GLB1L2: variants seen among roughly 807,000 people sequenced by gnomAD.
The protein encoded by GLB1L2 is beta-galactosidase-1-like protein 2.
A neutral mutation model predicts 84.1 loss-of-function variants in GLB1L2; 68 were observed. The ratio of observed to expected loss-of-function variants is 0.81; its 90% CI spans 0.67 to 0.99. The LOEUF (loss-of-function observed/expected upper bound fraction) is 0.99, where lower values mean the gene tolerates loss of function less well. Ranked by LOEUF, GLB1L2 falls within the 50% of genes least tolerant of loss-of-function variation. The probability of loss-of-function intolerance (pLI) is 0.00; values close to 1 mark genes in which losing one functional copy is unlikely to be tolerated. For missense variants in GLB1L2, 762 were observed against 805.6 expected (o/e 0.95, Z 0.66); for synonymous variants, 290 against 318.0 (o/e 0.91, Z 0.94).
rs560462380 is a variant in GLB1L2, at chr11:134,341,918, G to T, written c.87-836G>T. On this transcript the variant is annotated intron_variant, in intron 1 of 18. Coordinates refer to ENST00000535456, the MANE Select transcript of GLB1L2 (RefSeq NM_001370461.1). ...GGCAGGAGCGAGCGCCGGTGGGGAC[G>T]AAGGCACAGCCCACACCGGCTCCTG... 5.1e-5 allele frequency among the ~76,000 whole-genome samples: 6 copies of T among 118,684 alleles called. No individual in the cohort carries two copies. In the East Asian group the frequency reaches 2.3e-3, roughly 46 times the overall value. The allele number at this position is 118,684 out of a possible 152,430, so 77.9% of individuals were successfully genotyped here. A position where few individuals can be genotyped will look rare whatever the true frequency, so the allele number is the denominator to read the frequency against.
chr11:134,370,439 C>G lies in GLB1L2; in HGVS notation c.1215+40C>G. ...CAGTCATCGGGAGGTGAGTGAGTGC[C>G]GGGGGCAGTCGTTGGCAGGGAGGTG... On this transcript the variant is annotated intron_variant, in intron 12 of 18. Transcript: ENST00000535456. This position sits in a 1 kb window ranked among gnomAD's most constrained non-coding sequence, Gnocchi z 4.7. The G allele has an allele frequency of 6.7e-7, 1 of 1,501,370 alleles. No homozygotes were observed. The highest frequency in any genetic ancestry group is 9.2e-7 in the Non-Finnish European group (1 of 1,083,832). 93.0% of individuals were successfully genotyped at this position (1,501,370 alleles called of 1,614,324 possible).
At position 134,338,533 on chromosome 11, in the gene GLB1L2, C is replaced by A. The variant is rs965945436; in HGVS notation, c.87-4221C>A. Among the ~76,000 whole-genome samples, 6 of 152,170 alleles carry A rather than the reference C, an allele frequency of 3.9e-5. No homozygotes were observed. Among genetic ancestry groups the A allele is most frequent in the African/African-American group, 1.4e-4 (6 of 41,442 alleles). On this transcript the variant is annotated intron_variant, in intron 1 of 18. Transcript: ENST00000535456. The surrounding 1 kb of genome is among the most constrained non-coding windows in gnomAD (Gnocchi z 6.2). ...GCACTTTTTACTACACCTGGAATCT[C>A]CTGCCTGCTGGGGCCTGCCCTGTAC...
intron 7 of GLB1L2, among the ~76,000 whole-genome samples, chr11:134,362,231 C>T (rs1943802960): frequency 6.6e-6 from 1 of 152,068 alleles, no homozygotes. Flanking sequence ...TATTTCTCTT[C>T]TCATAGCATA....
At chr11:134,344,600 C>T in intron 3 of GLB1L2, 145 bp downstream of exon 3, 1 of 1,021,782 alleles carries the variant, frequency 9.8e-7, no homozygotes, top group East Asian at 2.4e-5. Context: ...GCACCCAGGA[C>T]CCAGACGCTC....
At chr11:134,346,011 T>C (rs973490572) in intron 4 of GLB1L2, among the ~76,000 whole-genome samples, 1 of 152,162 alleles carries the variant, frequency 6.6e-6, no homozygotes, top group African/African-American at 2.4e-5. Flanking sequence ...TTTAAGATTT[T>C]CTTGTTAACT....
intron 3 of GLB1L2, 122 bp downstream of exon 3, chr11:134,344,577 T>C (rs1264529553): frequency 2.7e-6 from 3 of 1,119,764 alleles, no homozygotes; most frequent in Non-Finnish European, 4.1e-6. Context: ...GTTCTAGGAC[T>C]GTGAGAGGCC....
rs1228057544 is a variant in GLB1L2 at position 134,334,131 on chromosome 11, C to T, written c.86+1984C>T. ...TGTCTTGCCCCAGCTCTGACTGGGT[C>T]ATTAACTGAGTGGGAGGTGGGGCCT... On this transcript the variant is annotated intron_variant, in intron 1 of 18. Coordinates refer to ENST00000535456, the MANE Select transcript of GLB1L2 (RefSeq NM_001370461.1). The surrounding 1 kb of genome is among the most constrained non-coding windows in gnomAD (Gnocchi z 4.1). Among the ~76,000 whole-genome samples the T allele has an allele frequency of 6.6e-6, 1 of 152,106 alleles. No homozygotes were observed. The highest frequency in any genetic ancestry group is 2.4e-5 in the African/African-American group (1 of 41,400).
chr11:134,375,005 G>A lies in GLB1L2; in HGVS notation c.1858G>A (p.Ala620Thr). ...TTTTGAGGAGACGATGGCGGGCCCT[G>A]CATTACAGTTCACGGAAACCCCCCA... ...IVFEETMAGPALQFTETPHLG... is the reference protein window; with the variant it reads ...IVFEETMAGPTLQFTETPHLG... The change falls in exon 19 of 19, where the codon GCA (alanine) becomes ACA (threonine). Residue 620 changes from alanine to threonine, a missense_variant. By Grantham distance (58) the Ala-to-Thr change is moderately conservative. Around this residue, in one of 3 missense-constraint regions of GLB1L2, gnomAD observed 603 missense variants for 611.7 expected, o/e 0.99. Coordinates refer to ENST00000535456, the MANE Select transcript of GLB1L2 (RefSeq NM_001370461.1). The A allele has an allele frequency of 6.2e-7, 1 of 1,613,898 alleles. No homozygotes were observed. Among genetic ancestry groups the A allele is most frequent in the Non-Finnish European group, 8.5e-7 (1 of 1,179,972 alleles).
rs1943595845 is a variant in GLB1L2, at chr11:134,349,456, T to A, written c.558+2023T>A. Among the ~76,000 whole-genome samples, 2 of 152,238 alleles carry A rather than the reference T, an allele frequency of 1.3e-5. 1 individual carries two copies. Among genetic ancestry groups the A allele is most frequent in the Middle Eastern group, 6.3e-3 (2 of 316 alleles). ...CTTTCGCTTCTTTTGGGTATATACCTAGAAGTGAAATTGCTGGATCAACTT... is the reference window on the plus strand; with the variant it reads ...CTTTCGCTTCTTTTGGGTATATACCAAGAAGTGAAATTGCTGGATCAACTT... On this transcript the variant is annotated intron_variant, in intron 5 of 18. Transcript: ENST00000535456.
chr11:134,342,633 C>A, intron 1 of GLB1L2, 121 bp from the exon 2 acceptor site: 1 of 1,009,558 alleles, frequency 9.9e-7, no homozygotes. Flanking sequence ...GGGAGCTTTT[C>A]CCAGCCACCT....
rs1421069561 is a variant in GLB1L2, at chr11:134,370,853, C to A, written c.1216-155C>A. 6.6e-6 allele frequency among the ~76,000 whole-genome samples: 1 copy of A among 152,152 alleles called. No individual in the cohort carries two copies. Among genetic ancestry groups the A allele is most frequent in the Non-Finnish European group, 1.5e-5 (1 of 68,016 alleles). ...TTTGCCCCACTCCTCTTCCCCGTCA[C>A]CCTGGAGAGTTGTATGTTTAGTGCA... On this transcript the variant is annotated intron_variant, in intron 12 of 18. Coordinates refer to ENST00000535456, the MANE Select transcript of GLB1L2 (RefSeq NM_001370461.1). The surrounding 1 kb of genome is among the most constrained non-coding windows in gnomAD (Gnocchi z 4.7).
intron 9 of GLB1L2, among the ~76,000 whole-genome samples, chr11:134,367,678 T>C (rs1326624508): frequency 6.6e-6 from 1 of 152,228 alleles, no homozygotes; most frequent in Non-Finnish European, 1.5e-5. Context: ...GTTCTCTCTG[T>C]ATCTCTGCCG....
chr11:134,368,127 A>G (rs575424638), intron 9 of GLB1L2, among the ~76,000 whole-genome samples: 73 of 152,300 alleles, frequency 4.8e-4, no homozygotes, highest in African/African-American at 1.7e-3. Context: ...ATATTTGTCT[A>G]CTCAGTACAT....
At chr11:134,362,026 C>CT (rs1375760464) in intron 7 of GLB1L2, among the ~76,000 whole-genome samples, 3 of 152,194 alleles carry the variant, frequency 2.0e-5, no homozygotes, top group African/African-American at 7.2e-5. Flanking sequence ...TTGTGCGTGT[C>CT]TTTCGTGGTG....
At chr11:134,361,687 C>T (rs1029977879) in intron 7 of GLB1L2, 2 of 152,482 alleles carry the variant, frequency 1.3e-5, no homozygotes, top group African/African-American at 4.8e-5. Flanking sequence ...CTGTGCCTGT[C>T]CGGTTCTGCC....
At chr11:134,333,041 T>C (rs918993947) in intron 1 of GLB1L2, among the ~76,000 whole-genome samples, 24 of 152,312 alleles carry the variant, frequency 1.6e-4, no homozygotes, top group Middle Eastern at 3.4e-3. Context: ...TCTTTTTTAC[T>C]TAGAGAAACT....
At position 134,370,889 on chromosome 11, in the gene GLB1L2, A is replaced by G. The variant is rs1197548047; in HGVS notation, c.1216-119A>G. 8.7e-7 allele frequency: 1 copy of G among 1,145,854 alleles called. No individual in the cohort carries two copies. Among genetic ancestry groups the G allele is most frequent in the Non-Finnish European group, 1.3e-6 (1 of 792,604 alleles). The allele number at this position is 1,145,854 out of a possible 1,614,324, so 71.0% of individuals were successfully genotyped here. ...TGTATGTTTAGTGCAATGAGAAGTC[A>G]AAGTAGAAAACACCCACCAAACCTC... On this transcript the variant is annotated intron_variant, in intron 12 of 18. Transcript: ENST00000535456. The surrounding 1 kb of genome is among the most constrained non-coding windows in gnomAD (Gnocchi z 4.7).
chr11:134,349,345 C>T lies in GLB1L2; in HGVS notation c.558+1912C>T, dbSNP rs566121544. Among the ~76,000 whole-genome samples, 146 of 152,294 alleles carry T rather than the reference C, an allele frequency of 9.6e-4. 3 individuals are homozygous for T. Among genetic ancestry groups the T allele is most frequent in the African/African-American group, 3.3e-3 (136 of 41,562 alleles). The stretch of plus-strand genomic sequence containing the variant: ...CGTTTGTTTATCCTTCATCCATTGA[C>T]GAACGTTTGAGTTGCTTCTGCCTTT... On this transcript the variant is annotated intron_variant, in intron 5 of 18. Coordinates refer to ENST00000535456, the MANE Select transcript of GLB1L2 (RefSeq NM_001370461.1).
At chr11:134,362,377 G>A (rs1220727081) in intron 7 of GLB1L2, among the ~76,000 whole-genome samples, 2 of 151,970 alleles carry the variant, frequency 1.3e-5, no homozygotes, top group African/African-American at 4.8e-5. Flanking sequence ...TCTGCTGGCT[G>A]TTCCACTCCA....
Sources: allele counts gnomAD v4.1 joint callset (sites outside exome capture counted in the v4.1 genomes callset), GRCh38; gene constraint gnomAD v4.1.1; regional missense constraint gnomAD v4.1.1; non-coding constraint Gnocchi (gnomAD v3.1); transcripts MANE v1.5; gene names NCBI Gene and HGNC (gene_info 2026-07-23, HGNC 2026-07-21).